MROH1: variants seen among roughly 807,000 people sequenced by gnomAD.
MROH1 encodes the protein maestro heat-like repeat-containing protein family member 1.
MROH1 carries 117 observed loss-of-function variants against 116.5 expected under a neutral mutation model. The observed-to-expected ratio is 1.00, with a 90% CI of 0.86 to 1.17. The LOEUF is 1.17. MROH1 is among the 50% of genes most tolerant of loss of function. MROH1 has a pLI of 0.00. For synonymous variants in MROH1, 921 were observed against 583.9 expected, an observed-to-expected ratio of 1.58 and a Z score of -8.32; for missense variants, 1,873 against 1,338.5, an observed-to-expected ratio of 1.40 and a Z score of -6.23.
In MROH1 at chr8:144,242,834, G is replaced by A. The variant is rs1013530052; in HGVS notation, c.2352+206G>A. ...GGACGGCAGTGGGAAGAAGGGAGGC[G>A]TCTGCGCCTCCGAGGGGCCGGGTCG... is the stretch of plus-strand genomic sequence containing the variant. On this transcript the variant is annotated intron_variant, in intron 24 of 43. Transcript: ENST00000326134. Among the ~76,000 whole-genome samples the A allele has an allele frequency of 3.3e-3, 500 of 152,302 alleles. 1 individual carries two copies. Among genetic ancestry groups the A allele is most frequent in the Non-Finnish European group, 5.7e-3 (386 of 68,016 alleles).
rs1843594423 is a variant in MROH1, at chr8:144,255,599, C to T, written c.3685C>T (p.Leu1229=). 1 of 778,808 alleles carries T rather than the reference C, an allele frequency of 1.3e-6. No individual in the cohort carries two copies. The highest frequency in any genetic ancestry group is 1.3e-5 in the South Asian group (1 of 74,450). 48.2% of individuals were successfully genotyped at this position (778,808 alleles called of 1,614,324 possible). Residue 1229 remains leucine, a synonymous_variant, in exon 35 of 44, where the codon CTG becomes TTG. Coordinates refer to ENST00000326134, the MANE Select transcript of MROH1 (RefSeq NM_032450.3). ...CCCCCAGCTGTTTGTGGTGCTTCTG[C>T]TGCGCGTCAGCTGCACCGTGGGTGT... ...LYPQLFVVLL[L]RVSCTVGVQL...
At chr8:144,214,613 C>T (rs1306852465) in intron 12 of MROH1, 1 of 152,144 alleles carries the variant, frequency 6.6e-6, no homozygotes, top group East Asian at 1.9e-4. Flanking sequence ...CCCAAATCCT[C>T]AGCCACACCC....
chr8:144,171,897 T>C lies in MROH1; in HGVS notation c.168+3457T>C, dbSNP rs139188670. Among the ~76,000 whole-genome samples, 372 of 152,272 alleles carry C rather than the reference T, an allele frequency of 2.4e-3. 2 individuals are homozygous for C. Among genetic ancestry groups the C allele is most frequent in the African/African-American group, 8.7e-3 (360 of 41,564 alleles). ...GAGACCCGGGAGCGACGTGGAAAAC[T>C]ACCTTCCAGGCTACGACAGACAGAA... On this transcript the variant is annotated intron_variant, in intron 4 of 43. Transcript: ENST00000326134.
intron 8 of MROH1, 70 bp from the exon 9 acceptor site, chr8:144,191,645 T>G (rs1238120950): frequency 5.7e-6 from 9 of 1,575,348 alleles, no homozygotes; most frequent in Non-Finnish European, 7.7e-6. Flanking sequence ...CACGGGTGCT[T>G]GCTGGACATG....
At chr8:144,223,714 A>G (rs1022051618) in intron 14 of MROH1, among the ~76,000 whole-genome samples, 2 of 152,218 alleles carry the variant, frequency 1.3e-5, no homozygotes, top group Non-Finnish European at 2.9e-5. Flanking sequence ...TAACCCACAG[A>G]TGGTCTAGAC....
At chr8:144,183,890 G>C (rs879876660) in intron 7 of MROH1, among the ~76,000 whole-genome samples, 5 of 151,846 alleles carry the variant, frequency 3.3e-5, no homozygotes, top group Non-Finnish European at 7.4e-5. Context: ...CTCGTGATCC[G>C]CCCGCCTCGG....
At position 144,180,715 on chromosome 8, in the gene MROH1, CTTGT is replaced by C. The variant is rs1407560766; in HGVS notation, c.562+195_562+198del. 6.6e-6 allele frequency among the ~76,000 whole-genome samples: 1 copy of C among 152,146 alleles called. No homozygotes were observed. Among genetic ancestry groups the C allele is most frequent in the Non-Finnish European group, 1.5e-5 (1 of 67,998 alleles). On this transcript the variant is annotated intron_variant, in intron 7 of 43. Coordinates refer to ENST00000326134, the MANE Select transcript of MROH1 (RefSeq NM_032450.3). The surrounding 1 kb of genome is among the most constrained non-coding windows in gnomAD (Gnocchi z 7.4). ...TGTGGGGCTGACACAGCCTCTGTCT[CTTGT>C]TTCTCTCTACTCCTGGAGAGCCCCC... is the stretch of plus-strand genomic sequence containing the variant.
intron 29 of MROH1, among the ~76,000 whole-genome samples, chr8:144,246,335 T>G (rs1281152713): frequency 6.6e-6 from 1 of 151,694 alleles, no homozygotes; most frequent in Non-Finnish European, 1.5e-5. Context: ...GGTCTTGAAT[T>G]CCCAGACTGG....
At position 144,260,232 on chromosome 8, in the gene MROH1, T is replaced by C; in HGVS notation, c.4238T>C (p.Leu1413Pro). The change falls in exon 39 of 44, where the codon CTG becomes CCG. Residue 1413 changes from leucine (L) to proline (P), a missense_variant. Coordinates refer to ENST00000326134, the MANE Select transcript of MROH1 (RefSeq NM_032450.3). ...PQLLTAMIGG[L>P]DDGDNPHSPV... ...CTCCTCACAGCCATGATTGGCGGGCTGGACGACGGGGACAACCCTCACAGC... is the reference window on the plus strand; with the variant it reads ...CTCCTCACAGCCATGATTGGCGGGCCGGACGACGGGGACAACCCTCACAGC... The C allele has an allele frequency of 1.3e-6, 1 of 765,952 alleles. No homozygotes were observed. The highest frequency in any genetic ancestry group is 2.4e-6 in the Non-Finnish European group (1 of 417,606). 47.4% of individuals were successfully genotyped at this position (765,952 alleles called of 1,614,324 possible). A position where few individuals can be genotyped will look rare whatever the true frequency, so the allele number is the denominator to read the frequency against.
Position 144,261,008 on chromosome 8 carries a change from C to T in MROH1, c.4638C>T (p.Phe1546=), listed in dbSNP as rs1354900835. ...KHLQEGRALH[F]GEFLNTTCKH... Reference sequence around the variant, plus strand: ...TGCAGGAGGGCCGAGCCCTGCACTTCGGGGAGTTCCTCAACACCACCTGCA... The same window carrying T: ...TGCAGGAGGGCCGAGCCCTGCACTTTGGGGAGTTCCTCAACACCACCTGCA... Residue 1546 remains phenylalanine, a synonymous_variant, in exon 41 of 44, where the codon TTC becomes TTT. Coordinates refer to ENST00000326134, the MANE Select transcript of MROH1 (RefSeq NM_032450.3). 7 of 496,438 alleles carry T rather than the reference C, an allele frequency of 1.4e-5. No homozygotes were observed. The highest frequency in any genetic ancestry group is 4.7e-5 in the African/African-American group (2 of 42,484). 30.8% of individuals were successfully genotyped at this position (496,438 alleles called of 1,614,324 possible).
At chr8:144,254,555 C>G in intron 33 of MROH1, 1 of 463,102 alleles carries the variant, frequency 2.2e-6, no homozygotes, top group Non-Finnish European at 3.9e-6. Context: ...ACCTCCCACA[C>G]CACTGCCCTG....
At chr8:144,166,490 GCTGA>G (rs1564374648) in intron 3 of MROH1, among the ~76,000 whole-genome samples, 1 of 152,186 alleles carries the variant, frequency 6.6e-6, no homozygotes, top group Non-Finnish European at 1.5e-5. Flanking sequence ...CTCCCTTAAG[GCTGA>G]CTGTGTGCGG....
At chr8:144,150,565 T>C (rs1169923119) in intron 1 of MROH1, among the ~76,000 whole-genome samples, 3 of 152,216 alleles carry the variant, frequency 2.0e-5, no homozygotes, top group Non-Finnish European at 2.9e-5. Context: ...ATGCTCTTGG[T>C]GTTCAACTGT....
At chr8:144,196,749 G>A (rs1452996526) in intron 10 of MROH1, among the ~76,000 whole-genome samples, 1 of 152,048 alleles carries the variant, frequency 6.6e-6, no homozygotes, top group Non-Finnish European at 1.5e-5. Context: ...ATACTCATTT[G>A]CATTAGTTAT....
intron 1 of MROH1, among the ~76,000 whole-genome samples, chr8:144,149,907 G>A (rs1184157891): frequency 2.6e-5 from 4 of 152,054 alleles, no homozygotes; most frequent in Non-Finnish European, 5.9e-5. Context: ...CATTTCCCAG[G>A]GTCATCAGCC....
chr8:144,199,685 C>T (rs1830680688), intron 11 of MROH1, among the ~76,000 whole-genome samples: 1 of 152,186 alleles, frequency 6.6e-6, no homozygotes. Context: ...GGAGGGGCAG[C>T]AGATGGTGTG....
chr8:144,218,674 CCCTCT>C (rs1835840545), intron 12 of MROH1, among the ~76,000 whole-genome samples: 2 of 91,406 alleles, frequency 2.2e-5, no homozygotes, highest in Non-Finnish European at 4.5e-5. Flanking sequence ...CCCTCCCGTC[CCCTCT>C]CCCCTCCCCT....
intron 13 of MROH1, among the ~76,000 whole-genome samples, chr8:144,220,983 G>T (rs1329123623): frequency 6.6e-6 from 1 of 152,182 alleles, no homozygotes; most frequent in Non-Finnish European, 1.5e-5. Flanking sequence ...TCTGCTCGCG[G>T]TGATTGCAGC....
chr8:144,199,301 G>A (rs1400525652), intron 11 of MROH1, 101 bp downstream of exon 11: 3 of 1,229,290 alleles, frequency 2.4e-6, no homozygotes, highest in Non-Finnish European at 3.5e-6. Context: ...TACTGGTCGG[G>A]GATGAGGAGG....
Sources: allele counts gnomAD v4.1 joint callset (sites outside exome capture counted in the v4.1 genomes callset), GRCh38; gene constraint gnomAD v4.1.1; non-coding constraint Gnocchi (gnomAD v3.1); transcripts MANE v1.5; gene names NCBI Gene and HGNC (gene_info 2026-07-23, HGNC 2026-07-21).